SFMBT1: variants seen among roughly 807,000 people sequenced by gnomAD.
The protein encoded by SFMBT1 is scm-like with four MBT domains protein 1.
SFMBT1 carries 32 observed loss-of-function variants against 108.7 expected under a neutral mutation model. The observed-to-expected ratio is 0.29, with a 90% CI of 0.22 to 0.40. SFMBT1 has a LOEUF of 0.40. Ranked by LOEUF, SFMBT1 falls within the 10% of genes least tolerant of loss-of-function variation. The probability of loss-of-function intolerance (pLI) is 1.00; values close to 1 mark genes in which losing one functional copy is unlikely to be tolerated. For synonymous variants in SFMBT1, 348 were observed against 369.5 expected (o/e 0.94, Z 0.67); for missense variants, 816 against 1,059.6 (o/e 0.77, Z 3.19).
At chr3:53,004,678 T>C (rs934742674) in intron 1 of SFMBT1, among the ~76,000 whole-genome samples, 4 of 150,234 alleles carry the variant, frequency 2.7e-5, no homozygotes, top group African/African-American at 4.8e-5. Flanking sequence ...CTCTGAAATT[T>C]TGAGACACAA....
At chr3:52,927,809 C>A (rs1702704879) in intron 9 of SFMBT1, among the ~76,000 whole-genome samples, 1 of 152,172 alleles carries the variant, frequency 6.6e-6, no homozygotes, top group Admixed American at 6.5e-5. Flanking sequence ...GGCTCTACGG[C>A]CTCTTCTCAC....
At chr3:52,999,199 G>A (rs1008382338) in intron 1 of SFMBT1, among the ~76,000 whole-genome samples, 1 of 150,876 alleles carries the variant, frequency 6.6e-6, no homozygotes, top group African/African-American at 2.4e-5. Flanking sequence ...GCAGCCCAAG[G>A]ACCTCACGAC....
chr3:53,027,835 C>T (rs1699547372), intron 1 of SFMBT1, among the ~76,000 whole-genome samples: 1 of 152,214 alleles, frequency 6.6e-6, no homozygotes, highest in African/African-American at 2.4e-5. Flanking sequence ...GTTTCTTCCC[C>T]CTGTTCTTTA....
chr3:52,966,983 G>A (rs946506203), intron 2 of SFMBT1, among the ~76,000 whole-genome samples: 10 of 149,852 alleles, frequency 6.7e-5, no homozygotes, highest in African/African-American at 9.8e-5. Context: ...AATACCTAAA[G>A]TAACCACCAA....
At chr3:52,954,457 A>T in intron 2 of SFMBT1, 46 bp from the exon 3 acceptor site, 4 of 1,389,876 alleles carry the variant, frequency 2.9e-6, no homozygotes, top group Non-Finnish European at 4.0e-6. Context: ...CAATTAAAGA[A>T]AACTCAAGGT....
At chr3:53,027,667 G>A (rs9822686) in intron 1 of SFMBT1, among the ~76,000 whole-genome samples, 14,664 of 152,186 alleles carry the variant, frequency 0.096, 1,998 homozygotes, top group African/African-American at 0.29. Flanking sequence ...TGTGCACATG[G>A]GCCAATCAGG....
At chr3:52,972,082 G>A (rs1021790484) in intron 1 of SFMBT1, among the ~76,000 whole-genome samples, 9 of 152,228 alleles carry the variant, frequency 5.9e-5, no homozygotes, top group African/African-American at 2.2e-4. Context: ...CTTCAGCATG[G>A]TTTTGATAGA....
At chr3:53,018,954 T>TC (rs1699211393) in intron 1 of SFMBT1, 1 of 152,376 alleles carries the variant, frequency 6.6e-6, no homozygotes, top group South Asian at 2.1e-4. Flanking sequence ...CTTCTTTTTT[T>TC]CCCATCCACA....
At chr3:52,988,934 C>G (rs1183520336) in intron 1 of SFMBT1, among the ~76,000 whole-genome samples, 1 of 152,104 alleles carries the variant, frequency 6.6e-6, no homozygotes, top group East Asian at 1.9e-4. Context: ...CCTAGTCACA[C>G]CTTAATAGTT....
rs367653718 is a variant in SFMBT1 at position 52,907,242 on chromosome 3, C to T, written c.2158G>A (p.Glu720Lys). 11 of 1,613,912 alleles carry T rather than the reference C, an allele frequency of 6.8e-6. No homozygotes were observed. Among genetic ancestry groups the T allele is most frequent in the African/African-American group, 1.3e-5 (1 of 74,854 alleles). The change falls in exon 19 of 21, where the codon GAG becomes AAG. Residue 720 changes from glutamate to lysine, a missense_variant. Coordinates refer to ENST00000394752, the MANE Select transcript of SFMBT1 (RefSeq NM_016329.4). Reference sequence around the variant, plus strand: ...TCTTCCTGTAGCTCATCCTGCTGCTCGGATGTACTGCCTTCACTTAGGGAA... The same window carrying T: ...TCTTCCTGTAGCTCATCCTGCTGCTTGGATGTACTGCCTTCACTTAGGGAA... The part of the protein sequence containing the change: ...DDSLSEGSTS[E>K]QQDELQEESE...
intron 1 of SFMBT1, among the ~76,000 whole-genome samples, chr3:52,974,392 A>T (rs138721741): frequency 4.6e-5 from 7 of 152,204 alleles, no homozygotes; most frequent in Non-Finnish European, 1.0e-4. Context: ...GAGTCACCTT[A>T]TATTTCCTGT....
At chr3:53,020,312 C>T (rs1575443313) in intron 1 of SFMBT1, among the ~76,000 whole-genome samples, 1 of 152,190 alleles carries the variant, frequency 6.6e-6, no homozygotes, top group African/African-American at 2.4e-5. Flanking sequence ...ATCGCTTGAA[C>T]CTGGGAGGCG....
At chr3:53,009,185 G>A (rs1415059875) in intron 1 of SFMBT1, among the ~76,000 whole-genome samples, 2 of 152,028 alleles carry the variant, frequency 1.3e-5, no homozygotes, top group Non-Finnish European at 2.9e-5. Context: ...GGTGGCTTAT[G>A]CCTGTAATCC....
At chr3:52,954,802 A>G (rs1015373309) in intron 2 of SFMBT1, among the ~76,000 whole-genome samples, 11 of 151,986 alleles carry the variant, frequency 7.2e-5, no homozygotes, top group Non-Finnish European at 1.5e-4. Flanking sequence ...TTTCAACTTG[A>G]TCCTTTCTTA....
At chr3:52,933,467 A>AT (rs978207244) in intron 5 of SFMBT1, among the ~76,000 whole-genome samples, 29 of 152,124 alleles carry the variant, frequency 1.9e-4, no homozygotes, top group Admixed American at 1.1e-3. Context: ...ACAACCTTAC[A>AT]TTTTTTTCCT....
chr3:52,936,244 T>C (rs1177509431), intron 4 of SFMBT1, among the ~76,000 whole-genome samples: 7 of 152,170 alleles, frequency 4.6e-5, no homozygotes, highest in Non-Finnish European at 7.4e-5. Context: ...AGAACTTCCA[T>C]AAAGAAAAAT....
rs1017186719 is a variant in SFMBT1 at position 52,999,068 on chromosome 3, G to A, written c.-130-29810C>T. Reference sequence around the variant, plus strand: ...CCATGCGTAAGCCGGGGACGCCCGAGGACATGCTCTTCACCCAAGGCCTGC... The same window carrying A: ...CCATGCGTAAGCCGGGGACGCCCGAAGACATGCTCTTCACCCAAGGCCTGC... On this transcript the variant is annotated intron_variant, in intron 1 of 20. Coordinates refer to ENST00000394752, the MANE Select transcript of SFMBT1 (RefSeq NM_016329.4). Among the ~76,000 whole-genome samples, 5 of 150,812 alleles carry A rather than the reference G, an allele frequency of 3.3e-5. 1 individual carries two copies. Among genetic ancestry groups the A allele is most frequent in the Non-Finnish European group, 7.4e-5 (5 of 67,226 alleles).
At chr3:52,938,420 T>C (rs1575387450) in intron 4 of SFMBT1, among the ~76,000 whole-genome samples, 1 of 152,188 alleles carries the variant, frequency 6.6e-6, no homozygotes, top group Admixed American at 6.5e-5. Flanking sequence ...TTTCGTCATA[T>C]AGAAAGGTTC....
chr3:52,923,880 G>A (rs1469157908), intron 10 of SFMBT1, among the ~76,000 whole-genome samples: 1 of 148,308 alleles, frequency 6.7e-6, no homozygotes, highest in African/African-American at 2.6e-5. Flanking sequence ...CAGAAAGAAA[G>A]TGCCCACTGA....
Sources: allele counts gnomAD v4.1 joint callset (sites outside exome capture counted in the v4.1 genomes callset), GRCh38; gene constraint gnomAD v4.1.1; transcripts MANE v1.5; gene names NCBI Gene and HGNC (gene_info 2026-07-23, HGNC 2026-07-21).